SLC9A9: variants seen among roughly 807,000 people sequenced by gnomAD.
The protein encoded by SLC9A9 is solute carrier family 9 member A9.
SLC9A9 carries 62 observed loss-of-function variants against 77.8 expected under a neutral mutation model. The ratio of observed to expected loss-of-function variants is 0.80; its 90% CI spans 0.65 to 0.98. The LOEUF (loss-of-function observed/expected upper bound fraction) is 0.98, where lower values mean the gene tolerates loss of function less well. Ranked by LOEUF, SLC9A9 falls within the 50% of genes least tolerant of loss-of-function variation. The probability of loss-of-function intolerance (pLI) is 0.00; values close to 1 mark genes in which losing one functional copy is unlikely to be tolerated. For missense variants in SLC9A9, 775 were observed against 774.9 expected (o/e 1.00, Z 0.00); for synonymous variants, 320 against 283.5 (o/e 1.13, Z -1.29).
Position 143,266,909 on chromosome 3 carries a change from A to G in SLC9A9, c.1731T>C (p.Asp577=), listed in dbSNP as rs754133083. Residue 577 remains aspartate, a synonymous_variant, in exon 16 of 16, where the codon GAT becomes GAC. Transcript: ENST00000316549. ...CATCCTGGTTTACAATGCATTCCAC[A>G]TCATCCTCTTTTAGCTGTTCCTGGT... ...QAYGEQLKED[D]VECIVNQDEL... is the part of the protein sequence containing the mutation. The G allele has an allele frequency of 3.1e-6, 5 of 1,613,958 alleles. No homozygotes were observed. The East Asian group carries it at 8.9e-5, about 29-fold the overall frequency.
At chr3:143,413,236 C>T (rs866783492) in intron 12 of SLC9A9, among the ~76,000 whole-genome samples, 2 of 152,216 alleles carry the variant, frequency 1.3e-5, no homozygotes, top group Admixed American at 6.5e-5. Flanking sequence ...TAGGAAAGAC[C>T]CAGCCCAGAG....
intron 9 of SLC9A9, chr3:143,518,289 G>C: frequency 8.3e-7 from 1 of 1,210,122 alleles, no homozygotes. Context: ...CCAGGCGCTG[G>C]CTCAGCGTGA....
intron 6 of SLC9A9, among the ~76,000 whole-genome samples, chr3:143,634,590 G>T (rs769634956): frequency 1.2e-4 from 18 of 151,764 alleles, no homozygotes; most frequent in Non-Finnish European, 2.4e-4. Flanking sequence ...ATAAAATTTT[G>T]AACTTTGCTC....
intron 4 of SLC9A9, among the ~76,000 whole-genome samples, chr3:143,772,702 G>A (rs1002557040): frequency 6.6e-6 from 1 of 152,204 alleles, no homozygotes; most frequent in African/African-American, 2.4e-5. Flanking sequence ...TGATTAATAA[G>A]CTGAGTGGTT....
chr3:143,390,472 G>T (rs182394616), intron 12 of SLC9A9, among the ~76,000 whole-genome samples: 1 of 152,168 alleles, frequency 6.6e-6, no homozygotes, highest in African/African-American at 2.4e-5. Flanking sequence ...GGGGTGAATT[G>T]TTCCAAGATG....
chr3:143,643,259 T>C (rs974508780), intron 6 of SLC9A9, among the ~76,000 whole-genome samples: 1 of 152,212 alleles, frequency 6.6e-6, no homozygotes, highest in African/African-American at 2.4e-5. Context: ...AAACTCTCCA[T>C]GTTAATTTAT....
intron 6 of SLC9A9, among the ~76,000 whole-genome samples, chr3:143,603,966 C>T (rs541211400): frequency 3.3e-5 from 5 of 152,308 alleles, no homozygotes; most frequent in African/African-American, 1.2e-4. Flanking sequence ...AGAACATTGT[C>T]TATGACGTCA....
At chr3:143,449,863 A>G (rs1391478987) in intron 12 of SLC9A9, among the ~76,000 whole-genome samples, 106 of 86,664 alleles carry the variant, frequency 1.2e-3, no homozygotes, top group African/African-American at 5.0e-3. Flanking sequence ...AATTATATAT[A>G]TAAAATATAT....
chr3:143,617,318 T>C (rs1467351537), intron 6 of SLC9A9, among the ~76,000 whole-genome samples: 1 of 152,220 alleles, frequency 6.6e-6, no homozygotes, highest in Non-Finnish European at 1.5e-5. Context: ...ATATGGCTGC[T>C]TTTGCACTAC....
At chr3:143,703,288 T>A (rs192276797) in intron 4 of SLC9A9, among the ~76,000 whole-genome samples, 1 of 152,220 alleles carries the variant, frequency 6.6e-6, no homozygotes, top group East Asian at 1.9e-4. Context: ...AGCACATGGA[T>A]CATTCTCAAG....
intron 4 of SLC9A9, among the ~76,000 whole-genome samples, chr3:143,751,194 ATGCTGTGTG>A (rs1237177616): frequency 7.9e-5 from 12 of 152,338 alleles, no homozygotes; most frequent in Non-Finnish European, 1.8e-4. Flanking sequence ...AAACAGGCTC[ATGCTGTGTG>A]GAGAAAAGGT....
intron 11 of SLC9A9, among the ~76,000 whole-genome samples, chr3:143,478,379 G>A (rs1275713033): frequency 6.6e-6 from 1 of 152,170 alleles, no homozygotes; most frequent in Non-Finnish European, 1.5e-5. Context: ...GCACACACTT[G>A]CCCTGGGGTC....
At chr3:143,473,315 A>G (rs114803889) in intron 11 of SLC9A9, among the ~76,000 whole-genome samples, 66 of 152,316 alleles carry the variant, frequency 4.3e-4, no homozygotes, top group Non-Finnish European at 9.0e-4. Flanking sequence ...GATTCAACTC[A>G]GCAAGAAGAA....
At chr3:143,584,900 G>A (rs934746956) in intron 6 of SLC9A9, among the ~76,000 whole-genome samples, 13 of 152,222 alleles carry the variant, frequency 8.5e-5, no homozygotes, top group African/African-American at 2.7e-4. Context: ...CTGGAAAGGA[G>A]GGAAGGCAGC....
chr3:143,295,472 C>A (rs1224007669), intron 14 of SLC9A9, among the ~76,000 whole-genome samples: 1 of 152,170 alleles, frequency 6.6e-6, no homozygotes, highest in African/African-American at 2.4e-5. Flanking sequence ...CCACTCTGAA[C>A]CTGATTCCTC....
chr3:143,738,887 G>A (rs892698109), intron 4 of SLC9A9, among the ~76,000 whole-genome samples: 2 of 152,204 alleles, frequency 1.3e-5, no homozygotes, highest in African/African-American at 4.8e-5. Context: ...CAGGTATGCA[G>A]CTTTCATATC....
Position 143,317,677 on chromosome 3 carries a change from T to C in SLC9A9, c.1604+45807A>G, listed in dbSNP as rs1212194437. Among the ~76,000 whole-genome samples, 2 of 40,026 alleles carry C rather than the reference T, an allele frequency of 5.0e-5. 1 individual carries two copies. Among genetic ancestry groups the C allele is most frequent in the East Asian group, 6.4e-4 (2 of 3,148 alleles). 26.3% of individuals were successfully genotyped at this position (40,026 alleles called of 152,430 possible). A position where few individuals can be genotyped will look rare whatever the true frequency, so the allele number is the denominator to read the frequency against. ...TTATGTATTTCTCAGGTTTGAAATG[T>C]TCTATGTTCCATTTTCCTTATGTAT... On this transcript the variant is annotated intron_variant, in intron 14 of 15. Coordinates refer to ENST00000316549, the MANE Select transcript of SLC9A9 (RefSeq NM_173653.4).
chr3:143,493,288 G>C (rs1237411467), intron 11 of SLC9A9, among the ~76,000 whole-genome samples: 1 of 152,180 alleles, frequency 6.6e-6, no homozygotes, highest in African/African-American at 2.4e-5. Context: ...TTGGATAAGA[G>C]TGGCACCATT....
In SLC9A9 at chr3:143,665,531, A is replaced by G. The variant is rs565578334; in HGVS notation, c.650-13171T>C. Among the ~76,000 whole-genome samples the G allele has an allele frequency of 4.6e-5, 7 of 152,332 alleles. No individual in the cohort carries two copies. In the South Asian group the frequency reaches 1.2e-3, roughly 27 times the overall value. On this transcript the variant is annotated intron_variant, in intron 5 of 15. Coordinates refer to ENST00000316549, the MANE Select transcript of SLC9A9 (RefSeq NM_173653.4). ...ACACAAAAAACCCTTCAAAAAATCA[A>G]TGAATCCAGGAGCTAGTTTTTTTTG...
Sources: allele counts gnomAD v4.1 joint callset (sites outside exome capture counted in the v4.1 genomes callset), GRCh38; gene constraint gnomAD v4.1.1; transcripts MANE v1.5; gene names NCBI Gene and HGNC (gene_info 2026-07-23, HGNC 2026-07-21).